Variants in LRMDA observed in about 807,000 individuals in gnomAD.
The protein encoded by LRMDA is leucine-rich melanocyte differentiation-associated protein.
Under a neutral mutation model 29.8 loss-of-function variants are expected in LRMDA, and 18 were observed. That is an observed-to-expected ratio of 0.60 (90% CI 0.42 to 0.90). The LOEUF is 0.90. Ranked by LOEUF, LRMDA falls within the 40% of genes least tolerant of loss-of-function variation. The pLI is 0.00. For missense variants in LRMDA, 273 were observed against 273.9 expected, an observed-to-expected ratio of 1.00 and a Z score of 0.02; for synonymous variants, 125 against 109.4, an observed-to-expected ratio of 1.14 and a Z score of -0.89.
At chr10:76,414,475 G>A (rs1841994696) in intron 6 of LRMDA, among the ~76,000 whole-genome samples, 1 of 152,056 alleles carries the variant, frequency 6.6e-6, no homozygotes, top group Non-Finnish European at 1.5e-5. Context: ...TGCTGGGCCT[G>A]GGCTAGAGAT....
intron 5 of LRMDA, among the ~76,000 whole-genome samples, chr10:76,114,529 T>A (rs1849634019): frequency 3.9e-5 from 6 of 152,174 alleles, no homozygotes; most frequent in Admixed American, 3.9e-4. Flanking sequence ...TGGGGGCACC[T>A]GGAAGGACAG....
intron 5 of LRMDA, among the ~76,000 whole-genome samples, chr10:76,299,507 G>A (rs774549945): frequency 6.6e-6 from 1 of 151,974 alleles, no homozygotes; most frequent in Non-Finnish European, 1.5e-5. Flanking sequence ...GAGGTCAGAT[G>A]TGGAATCCGT....
chr10:75,454,834 G>A (rs749742357), intron 2 of LRMDA, among the ~76,000 whole-genome samples: 4 of 152,208 alleles, frequency 2.6e-5, no homozygotes, highest in Non-Finnish European at 5.9e-5. Context: ...CTTACCTGGG[G>A]TATAGAAAAA....
chr10:76,057,146 TC>T (rs1472048531), intron 4 of LRMDA, among the ~76,000 whole-genome samples: 1 of 152,172 alleles, frequency 6.6e-6, no homozygotes, highest in African/African-American at 2.4e-5. Context: ...ATTTGAGATT[TC>T]CTGTTTCTCC....
intron 2 of LRMDA, among the ~76,000 whole-genome samples, chr10:75,484,411 T>C (rs964795281): frequency 6.6e-6 from 1 of 152,218 alleles, no homozygotes; most frequent in Non-Finnish European, 1.5e-5. Flanking sequence ...TGTGATATAA[T>C]ATTTAATATA....
chr10:76,383,810 T>C (rs1477295519), intron 6 of LRMDA, among the ~76,000 whole-genome samples: 1 of 152,184 alleles, frequency 6.6e-6, no homozygotes, highest in African/African-American at 2.4e-5. Context: ...TGGCTTCTTT[T>C]GACATTGAGG....
At chr10:76,054,180 A>G (rs1487393106) in intron 4 of LRMDA, among the ~76,000 whole-genome samples, 1 of 152,174 alleles carries the variant, frequency 6.6e-6, no homozygotes, top group Admixed American at 6.5e-5. Context: ...ATCTCTATGG[A>G]GGAACTTTGG....
chr10:76,539,380 G>A (rs1843327515), intron 6 of LRMDA, among the ~76,000 whole-genome samples: 1 of 152,154 alleles, frequency 6.6e-6, no homozygotes, highest in African/African-American at 2.4e-5. Flanking sequence ...GAAAGAAATA[G>A]CCCCAAGGAG....
intron 5 of LRMDA, among the ~76,000 whole-genome samples, chr10:76,269,668 A>G (rs1840044654): frequency 6.6e-6 from 1 of 152,222 alleles, no homozygotes; most frequent in Non-Finnish European, 1.5e-5. Flanking sequence ...TATATGGTAC[A>G]TTTAATAATA....
chr10:76,100,178 C>G lies in LRMDA; in HGVS notation c.516+41395C>G, dbSNP rs542540071. 2.5e-4 allele frequency among the ~76,000 whole-genome samples: 38 copies of G among 152,224 alleles called. No homozygotes were observed. In the South Asian group the frequency reaches 3.1e-3, roughly 12 times the overall value. ...GACCTCTTCATCATTATGTAATATT[C>G]TTCTTTATTTCTGGTAATGGTGTTG... On this transcript the variant is annotated intron_variant, in intron 5 of 6. Transcript: ENST00000611255.
chr10:76,404,829 C>A (rs571116253), intron 6 of LRMDA, among the ~76,000 whole-genome samples: 2 of 152,014 alleles, frequency 1.3e-5, no homozygotes, highest in East Asian at 1.9e-4. Context: ...GTGGGTGGGC[C>A]CGGTATGAAA....
rs563440212 is a variant in LRMDA, at chr10:75,902,772, T to C, written c.132-133236T>C. 1.0e-3 allele frequency among the ~76,000 whole-genome samples: 159 copies of C among 152,218 alleles called. 4 individuals are homozygous for C. The South Asian group carries it at 0.032, about 31-fold the overall frequency. On this transcript the variant is annotated intron_variant, in intron 2 of 6. Transcript: ENST00000611255. The stretch of plus-strand genomic sequence containing the variant: ...AGTGCTGTTCTTTTCTTCTTTATCA[T>C]GGCAGCAGGTGTTACAGATCCTGTG...
chr10:76,127,391 C>T (rs1589339245), intron 5 of LRMDA, among the ~76,000 whole-genome samples: 1 of 152,334 alleles, frequency 6.6e-6, no homozygotes, highest in Admixed American at 6.5e-5. Flanking sequence ...GCGAAATATA[C>T]TGGCTGCAGC....
intron 2 of LRMDA, among the ~76,000 whole-genome samples, chr10:75,527,982 C>T (rs1412912564): frequency 4.0e-5 from 6 of 151,822 alleles, no homozygotes; most frequent in Admixed American, 1.3e-4. Flanking sequence ...GACAGGGTTT[C>T]GCCATGTTGC....
chr10:76,201,888 G>A (rs11001683), intron 5 of LRMDA, among the ~76,000 whole-genome samples: 23,182 of 152,118 alleles, frequency 0.15, 2,483 homozygotes, highest in East Asian at 0.52. Context: ...GTTTGGACTC[G>A]GTTGGATGGT....
chr10:76,546,211 T>C (rs564634680), intron 6 of LRMDA, among the ~76,000 whole-genome samples: 4 of 152,368 alleles, frequency 2.6e-5, no homozygotes, highest in South Asian at 2.1e-4. Flanking sequence ...CTTGGCTTTA[T>C]GATGCATGGG....
At chr10:76,047,921 C>T (rs1026896902) in intron 4 of LRMDA, among the ~76,000 whole-genome samples, 5 of 152,240 alleles carry the variant, frequency 3.3e-5, no homozygotes, top group East Asian at 1.9e-4. Context: ...AAATGCTTTT[C>T]GTTCTTCTCT....
At chr10:75,825,148 C>T (rs150403606) in intron 2 of LRMDA, among the ~76,000 whole-genome samples, 26 of 152,330 alleles carry the variant, frequency 1.7e-4, no homozygotes, top group African/African-American at 6.0e-4. Context: ...AGCCCACACC[C>T]GAGACCGCCC....
intron 2 of LRMDA, among the ~76,000 whole-genome samples, chr10:75,507,618 G>C (rs1383231673): frequency 6.6e-6 from 1 of 152,154 alleles, no homozygotes; most frequent in Non-Finnish European, 1.5e-5. Context: ...TTCGGAGCCA[G>C]TTCCTATTCT....
Sources: allele counts gnomAD v4.1 joint callset (sites outside exome capture counted in the v4.1 genomes callset), GRCh38; gene constraint gnomAD v4.1.1; transcripts MANE v1.5; gene names NCBI Gene and HGNC (gene_info 2026-07-23, HGNC 2026-07-21).